The following CDH9 variants were observed in gnomAD, a reference collection of about 807,000 sequenced individuals.
The protein encoded by CDH9 is cadherin 9.
In CDH9, 28 loss-of-function variants were observed where a neutral mutation model predicts 70.9. The observed-to-expected ratio is 0.40, with a 90% confidence interval of 0.29 to 0.54. The LOEUF is 0.54. CDH9 is among the 20% of genes least tolerant of loss of function. The pLI, the probability that CDH9 is intolerant of heterozygous loss-of-function variation, is 0.59. For missense variants in CDH9, 874 were observed against 984.4 expected, an observed-to-expected ratio of 0.89 and a Z score of 1.50; for synonymous variants, 409 against 343.1, an observed-to-expected ratio of 1.19 and a Z score of -2.12.
chr5:26,967,247 C>T (rs1742145467), intron 2 of CDH9, among the ~76,000 whole-genome samples: 1 of 152,114 alleles, frequency 6.6e-6, no homozygotes, highest in Non-Finnish European at 1.5e-5. Context: ...AGCCACTGCA[C>T]CTGGCTTGTC....
At chr5:27,005,395 C>A (rs373501613) in intron 1 of CDH9, among the ~76,000 whole-genome samples, 3 of 151,908 alleles carry the variant, frequency 2.0e-5, no homozygotes, top group African/African-American at 7.3e-5. Context: ...GACATACATG[C>A]GGCCAACAGC....
rs574337401 is a variant in CDH9, at chr5:26,906,593, A to G, written c.643+126T>C. On this transcript the variant is annotated intron_variant, in intron 4 of 11. Coordinates refer to ENST00000231021, the MANE Select transcript of CDH9 (RefSeq NM_016279.4). ...TTGCATTTGTTTACATCCAATAATG[A>G]CAGGAAACAAATAGAAACATGAAAC... 5 of 1,350,732 alleles carry G rather than the reference A, an allele frequency of 3.7e-6. No homozygotes were observed. In the South Asian group the frequency reaches 4.7e-5, roughly 13 times the overall value. The allele number at this position is 1,350,732 out of a possible 1,614,324, so 83.7% of individuals were successfully genotyped here. A position where few individuals can be genotyped will look rare whatever the true frequency, so the allele number is the denominator to read the frequency against.
intron 2 of CDH9, among the ~76,000 whole-genome samples, chr5:26,978,474 A>G (rs1285627711): frequency 2.0e-5 from 3 of 151,982 alleles, no homozygotes; most frequent in Non-Finnish European, 4.4e-5. Context: ...GCACAGAGAC[A>G]ATATTATATT....
intron 2 of CDH9, among the ~76,000 whole-genome samples, chr5:26,929,661 T>C (rs1030091813): frequency 2.6e-5 from 4 of 151,986 alleles, no homozygotes; most frequent in Admixed American, 1.3e-4. Context: ...TACTCAGCCA[T>C]AAAAAATAGC....
At chr5:27,025,871 G>T (rs936710747) in intron 1 of CDH9, among the ~76,000 whole-genome samples, 1 of 151,958 alleles carries the variant, frequency 6.6e-6, no homozygotes, top group Middle Eastern at 3.4e-3. Context: ...ATTGTGTCCT[G>T]TATTATTATA....
intron 1 of CDH9, among the ~76,000 whole-genome samples, chr5:27,015,748 G>C (rs958323762): frequency 6.6e-6 from 1 of 151,646 alleles, no homozygotes; most frequent in African/African-American, 2.4e-5. Flanking sequence ...TCACACAAAA[G>C]CTTTTGCAAA....
intron 2 of CDH9, among the ~76,000 whole-genome samples, chr5:26,941,114 C>T (rs1461065865): frequency 6.6e-6 from 1 of 152,176 alleles, no homozygotes; most frequent in Admixed American, 6.5e-5. Flanking sequence ...CTTCAAACAA[C>T]TTAGGATTGC....
chr5:26,936,641 C>T (rs1449125327), intron 2 of CDH9, among the ~76,000 whole-genome samples: 1 of 152,006 alleles, frequency 6.6e-6, no homozygotes, highest in Non-Finnish European at 1.5e-5. Flanking sequence ...AAAGTAAAGA[C>T]TTACTATAAA....
intron 1 of CDH9, among the ~76,000 whole-genome samples, chr5:26,996,742 CTATATATCTATATCTA>C (rs1417832091): frequency 6.6e-6 from 1 of 150,946 alleles, no homozygotes; most frequent in Non-Finnish European, 1.5e-5. Context: ...ATCTATATCT[CTATATATCTATATCTA>C]TATCTATAGA....
intron 3 of CDH9, among the ~76,000 whole-genome samples, chr5:26,908,730 A>G (rs924124120): frequency 6.6e-6 from 1 of 152,224 alleles, no homozygotes; most frequent in Non-Finnish European, 1.5e-5. Flanking sequence ...AATAAACTCT[A>G]TGATGTGGCC....
chr5:26,901,843 A>G (rs1740859592), intron 7 of CDH9, among the ~76,000 whole-genome samples: 1 of 151,880 alleles, frequency 6.6e-6, no homozygotes. Context: ...AAGATATGCT[A>G]TACAAATTAA....
chr5:26,903,862 T>C, intron 5 of CDH9, 38 bp from the exon 6 acceptor site: 1 of 1,110,696 alleles, frequency 9.0e-7, no homozygotes, highest in Non-Finnish European at 1.3e-6. Flanking sequence ...CATTTCATCT[T>C]TATATAACAT....
chr5:26,955,251 A>G (rs891667412), intron 2 of CDH9, among the ~76,000 whole-genome samples: 1 of 152,198 alleles, frequency 6.6e-6, no homozygotes, highest in African/African-American at 2.4e-5. Context: ...AAATGTAGCA[A>G]TCATGAGAAT....
intron 2 of CDH9, among the ~76,000 whole-genome samples, chr5:26,937,383 T>A (rs1250870707): frequency 1.3e-5 from 2 of 152,098 alleles, no homozygotes; most frequent in African/African-American, 4.8e-5. Flanking sequence ...CCAGTAAGGA[T>A]TTGGAGCAAT....
rs545635229 is a variant in CDH9 at position 26,889,824 on chromosome 5, G to T, written c.1512+12C>A. ...AAATATATTCTTTTAAGTTTTTAAT[G>T]ATTTTATTTACCTGCCCAGGTTTTG... On this transcript the variant is annotated intron_variant, in intron 9 of 11. Coordinates refer to ENST00000231021, the MANE Select transcript of CDH9 (RefSeq NM_016279.4). 9 of 1,516,566 alleles carry T rather than the reference G, an allele frequency of 5.9e-6. No individual in the cohort carries two copies. The Admixed American group carries it at 1.6e-4, about 27-fold the overall frequency. 93.9% of individuals were successfully genotyped at this position (1,516,566 alleles called of 1,614,324 possible). A position where few individuals can be genotyped will look rare whatever the true frequency, so the allele number is the denominator to read the frequency against.
chr5:26,935,829 C>T (rs1741548539), intron 2 of CDH9, among the ~76,000 whole-genome samples: 1 of 152,122 alleles, frequency 6.6e-6, no homozygotes, highest in East Asian at 1.9e-4. Flanking sequence ...GCACCATTTG[C>T]AATTGCAAAA....
At position 27,025,663 on chromosome 5, in the gene CDH9, C is replaced by G. The variant is rs182042281; in HGVS notation, c.-50+12800G>C. On this transcript the variant is annotated intron_variant, in intron 1 of 11. Coordinates refer to ENST00000231021, the MANE Select transcript of CDH9 (RefSeq NM_016279.4). ...TAGGTTCCTTCTTTTGGAAACTGTACTTAAAGGATGGAAAATGTTCAAGAT... is the reference window on the plus strand; with the variant it reads ...TAGGTTCCTTCTTTTGGAAACTGTAGTTAAAGGATGGAAAATGTTCAAGAT... Among the ~76,000 whole-genome samples, 5 of 152,018 alleles carry G rather than the reference C, an allele frequency of 3.3e-5. No homozygotes were observed. In the East Asian group the frequency reaches 5.8e-4, roughly 18 times the overall value.
chr5:26,922,444 T>A (rs1408729876), intron 2 of CDH9, among the ~76,000 whole-genome samples: 1 of 151,850 alleles, frequency 6.6e-6, no homozygotes, highest in Non-Finnish European at 1.5e-5. Flanking sequence ...ATATTTAAAG[T>A]GCTAAAGGAA....
At chr5:26,996,670 A>G (rs1337938647) in intron 1 of CDH9, among the ~76,000 whole-genome samples, 4 of 151,792 alleles carry the variant, frequency 2.6e-5, no homozygotes, top group Non-Finnish European at 5.9e-5. Context: ...ATATAACCAT[A>G]TATGTGTACA....
Sources: gnomAD v4.1 joint callset for allele counts (sites outside exome capture counted in the v4.1 genomes callset) on GRCh38, gnomAD v4.1.1 for gene constraint, MANE v1.5 for transcripts, NCBI Gene and HGNC (gene_info 2026-07-23, HGNC 2026-07-21) for gene names.